Variants in TRERF1 observed in about 807,000 individuals in gnomAD.
TRERF1 encodes the protein transcriptional regulating factor 1, also known as transcriptional-regulating factor 1.
In TRERF1, 27 loss-of-function variants were observed where a neutral mutation model predicts 122.9. That is an observed-to-expected ratio of 0.22 (90% CI 0.16 to 0.30). TRERF1 has a LOEUF of 0.30. TRERF1 is among the 10% of genes least tolerant of loss of function. The pLI is 1.00. For synonymous variants in TRERF1, 636 were observed against 641.7 expected (o/e 0.99, Z 0.13); for missense variants, 1,248 against 1,560.3 (o/e 0.80, Z 3.37).
At chr6:42,237,777 T>C (rs1002482254) in intron 15 of TRERF1, among the ~76,000 whole-genome samples, 2 of 152,224 alleles carry the variant, frequency 1.3e-5, no homozygotes, top group Non-Finnish European at 2.9e-5. Flanking sequence ...AGTTTGGATT[T>C]GGGGTGTGTG....
intron 3 of TRERF1, among the ~76,000 whole-genome samples, chr6:42,331,448 G>A (rs1368464924): frequency 6.6e-6 from 1 of 152,206 alleles, no homozygotes; most frequent in African/African-American, 2.4e-5. Context: ...CCCTCCACCT[G>A]CCTGCACTTT....
At position 42,269,010 on chromosome 6, in the gene TRERF1, G is replaced by T. The variant is rs2149898242; in HGVS notation, c.581C>A (p.Ala194Glu). 6.2e-7 allele frequency: 1 copy of T among 1,613,896 alleles called. No homozygotes were observed. Among genetic ancestry groups the T allele is most frequent in the African/African-American group, 1.3e-5 (1 of 75,040 alleles). Residue 194 changes from alanine (A) to glutamate (E), a missense_variant, in exon 5 of 18, where the codon GCA becomes GAA. Ala to Glu is a moderately radical substitution (Grantham distance 107, BLOSUM62 -1). This residue lies in a region of TRERF1 where 946 missense variants were observed against 1,073.0 expected (regional missense o/e 0.88). Coordinates refer to ENST00000372922, the Ensembl canonical transcript of TRERF1. The surrounding 1 kb of genome is among the most constrained non-coding windows in gnomAD (Gnocchi z 4.9). The stretch of plus-strand genomic sequence containing the variant: ...CTGGTAGCGGGAAGGGATAGCCGGT[G>T]CTGGGGGCTCCATGGGCTTCTGAGA...
chr6:42,353,137 C>T (rs1769793095), intron 3 of TRERF1, among the ~76,000 whole-genome samples: 1 of 152,112 alleles, frequency 6.6e-6, no homozygotes, highest in African/African-American at 2.4e-5. Flanking sequence ...CACCACTGCA[C>T]CTTGGCCTGG....
intron 4 of TRERF1, among the ~76,000 whole-genome samples, chr6:42,277,909 GA>G (rs1406173122): frequency 2.1e-5 from 1 of 46,744 alleles, no homozygotes; most frequent in Non-Finnish European, 4.5e-5. Context: ...GAAGAAGGAA[GA>G]AGAAGAAGAA....
intron 13 of TRERF1, among the ~76,000 whole-genome samples, chr6:42,252,088 T>C (rs1392694107): frequency 2.6e-5 from 4 of 152,190 alleles, no homozygotes; most frequent in Non-Finnish European, 5.9e-5. Context: ...GGCTGGACTG[T>C]GCATCGTGGT....
intron 3 of TRERF1, among the ~76,000 whole-genome samples, chr6:42,360,000 T>C (rs1295513288): frequency 6.6e-6 from 1 of 152,244 alleles, no homozygotes; most frequent in African/African-American, 2.4e-5. Flanking sequence ...AATATTTTAA[T>C]ACCTTTATTT....
At chr6:42,383,670 T>C (rs1222727571) in intron 2 of TRERF1, among the ~76,000 whole-genome samples, 1 of 152,070 alleles carries the variant, frequency 6.6e-6, no homozygotes, top group Admixed American at 6.6e-5. Flanking sequence ...AGAGAGTTGA[T>C]CCATCCCACT....
At chr6:42,402,608 T>TCATATGTAGACA (rs1779552506) in intron 2 of TRERF1, among the ~76,000 whole-genome samples, 1 of 152,210 alleles carries the variant, frequency 6.6e-6, no homozygotes, top group South Asian at 2.1e-4. Context: ...TTGTTGTTGA[T>TCATATGTAGACA]TTGGTTATTA....
At chr6:42,334,594 A>G (rs945112875) in intron 3 of TRERF1, among the ~76,000 whole-genome samples, 1 of 152,206 alleles carries the variant, frequency 6.6e-6, no homozygotes, top group Non-Finnish European at 1.5e-5. Flanking sequence ...CTCTGTGATG[A>G]AAATAGCTGG....
chr6:42,332,423 C>T (rs890676628), intron 3 of TRERF1, among the ~76,000 whole-genome samples: 18 of 152,180 alleles, frequency 1.2e-4, no homozygotes, highest in Non-Finnish European at 1.5e-5. Flanking sequence ...TTTCCTTGGA[C>T]AGTCAAGGCT....
chr6:42,375,777 A>C (rs1231833686), intron 2 of TRERF1, among the ~76,000 whole-genome samples: 1 of 151,904 alleles, frequency 6.6e-6, no homozygotes, highest in African/African-American at 2.4e-5. Flanking sequence ...GGGGAAGGAG[A>C]GGGAAGGTGC....
intron 3 of TRERF1, among the ~76,000 whole-genome samples, chr6:42,353,765 A>G (rs1769950900): frequency 6.6e-6 from 1 of 152,232 alleles, no homozygotes; most frequent in Non-Finnish European, 1.5e-5. Context: ...CTCATAAGGT[A>G]AAAAAGCAGG....
intron 3 of TRERF1, among the ~76,000 whole-genome samples, chr6:42,318,317 CA>C (rs1762837993): frequency 6.6e-6 from 1 of 152,176 alleles, no homozygotes; most frequent in Non-Finnish European, 1.5e-5. Flanking sequence ...AATTTCTGAG[CA>C]CTTAATAATG....
chr6:42,416,778 C>T (rs1213475113), intron 2 of TRERF1, among the ~76,000 whole-genome samples: 3 of 152,144 alleles, frequency 2.0e-5, no homozygotes, highest in African/African-American at 7.2e-5. Context: ...AAAACATTTA[C>T]CTGTGAAACC....
At chr6:42,428,740 G>A (rs1784021229) in intron 2 of TRERF1, among the ~76,000 whole-genome samples, 1 of 152,252 alleles carries the variant, frequency 6.6e-6, no homozygotes, top group African/African-American at 2.4e-5. Context: ...TCAGAGGACA[G>A]GTCAGCCCTG....
At chr6:42,284,215 A>C (rs1316532650) in intron 4 of TRERF1, among the ~76,000 whole-genome samples, 1 of 151,688 alleles carries the variant, frequency 6.6e-6, no homozygotes, top group Non-Finnish European at 1.5e-5. Flanking sequence ...TCTAGTGTCA[A>C]TCTTTATAAT....
intron 2 of TRERF1, among the ~76,000 whole-genome samples, chr6:42,389,418 T>C (rs541551022): frequency 6.6e-6 from 1 of 152,314 alleles, no homozygotes; most frequent in Admixed American, 6.5e-5. Flanking sequence ...ACGCAGGCTG[T>C]GACAAGAGTG....
intron 3 of TRERF1, among the ~76,000 whole-genome samples, chr6:42,342,693 C>G (rs545026622): frequency 1.3e-5 from 2 of 152,358 alleles, no homozygotes; most frequent in South Asian, 4.1e-4. Flanking sequence ...TTGCATACCT[C>G]TAATGATGGG....
intron 4 of TRERF1, among the ~76,000 whole-genome samples, chr6:42,280,911 AAT>A (rs1782192175): frequency 6.6e-6 from 1 of 152,210 alleles, no homozygotes; most frequent in Non-Finnish European, 1.5e-5. Flanking sequence ...TTAATTCATA[AAT>A]GCTTCTAAGA....
Sources: gnomAD v4.1 joint callset for allele counts (sites outside exome capture counted in the v4.1 genomes callset) on GRCh38, gnomAD v4.1.1 for gene constraint, gnomAD v4.1.1 regional missense constraint, Gnocchi (gnomAD v3.1) non-coding constraint, MANE v1.5 for transcripts, NCBI Gene and HGNC (gene_info 2026-07-23, HGNC 2026-07-21) for gene names.